The following CHRM3 variants were observed in gnomAD, a reference collection of about 807,000 sequenced individuals.
CHRM3 encodes cholinergic receptor muscarinic 3, also known as muscarinic acetylcholine receptor M3.
Under a neutral mutation model 41.8 loss-of-function variants are expected in CHRM3, and 11 were observed. The ratio of observed to expected loss-of-function variants is 0.26; its 90% CI spans 0.17 to 0.44. The LOEUF (loss-of-function observed/expected upper bound fraction) is 0.44, where lower values mean the gene tolerates loss of function less well. Among genes scored for constraint, CHRM3 ranks in the 20% least tolerant of loss-of-function variants. The probability of loss-of-function intolerance (pLI) is 1.00; values close to 1 mark genes in which losing one functional copy is unlikely to be tolerated. For synonymous variants in CHRM3, 297 were observed against 301.4 expected, an observed-to-expected ratio of 0.99 and a Z score of 0.15; for missense variants, 571 against 745.4, an observed-to-expected ratio of 0.77 and a Z score of 2.72.
chr1:239,847,814 C>T (rs1348171021), intron 6 of CHRM3, among the ~76,000 whole-genome samples: 1 of 152,046 alleles, frequency 6.6e-6, no homozygotes, highest in Non-Finnish European at 1.5e-5. Context: ...ACTCTAGAGG[C>T]TGAGGTGAGA....
chr1:239,453,756 C>A (rs1664730908), intron 1 of CHRM3, among the ~76,000 whole-genome samples: 1 of 152,058 alleles, frequency 6.6e-6, no homozygotes, highest in Admixed American at 6.6e-5. Context: ...AGCAGCAGAT[C>A]CCAAGGTGGA....
intron 1 of CHRM3, among the ~76,000 whole-genome samples, chr1:239,484,094 C>CTATAATTGTG (rs1355610381): frequency 1.2e-3 from 185 of 152,244 alleles, no homozygotes; most frequent in Non-Finnish European, 2.0e-3. Context: ...TGTATTCGTT[C>CTATAATTGTG]TTTCTTGTGT....
chr1:239,689,607 C>CT (rs1203112061), intron 5 of CHRM3, among the ~76,000 whole-genome samples: 1 of 152,178 alleles, frequency 6.6e-6, no homozygotes, highest in Admixed American at 6.5e-5. Flanking sequence ...CAACTTTGCA[C>CT]TACGTCTTCA....
At chr1:239,557,829 G>A (rs1558317357) in intron 3 of CHRM3, among the ~76,000 whole-genome samples, 1 of 152,044 alleles carries the variant, frequency 6.6e-6, no homozygotes, top group Non-Finnish European at 1.5e-5. Context: ...GTTTGTTAGG[G>A]CTGCATAGTA....
At chr1:239,795,647 C>T (rs1379093036) in intron 5 of CHRM3, among the ~76,000 whole-genome samples, 1 of 152,164 alleles carries the variant, frequency 6.6e-6, no homozygotes, top group Non-Finnish European at 1.5e-5. Context: ...TTTCCATCTT[C>T]CTATAAAGAA....
intron 2 of CHRM3, among the ~76,000 whole-genome samples, chr1:239,526,151 C>G (rs190907262): frequency 6.6e-6 from 1 of 152,108 alleles, no homozygotes; most frequent in African/African-American, 2.4e-5. Context: ...TGCCCTCAAA[C>G]AAACCCTTCC....
chr1:239,608,918 T>G (rs1666675747), intron 3 of CHRM3, among the ~76,000 whole-genome samples: 1 of 152,214 alleles, frequency 6.6e-6, no homozygotes, highest in Non-Finnish European at 1.5e-5. Flanking sequence ...ATTGCAGGTT[T>G]TTGAAAATAC....
intron 4 of CHRM3, among the ~76,000 whole-genome samples, chr1:239,650,935 T>C (rs1036618285): frequency 3.3e-5 from 5 of 152,170 alleles, no homozygotes; most frequent in Non-Finnish European, 5.9e-5. Context: ...ATGCATAAAA[T>C]ATGTGCACAT....
At chr1:239,672,072 G>A (rs1260360160) in intron 4 of CHRM3, among the ~76,000 whole-genome samples, 1 of 152,172 alleles carries the variant, frequency 6.6e-6, no homozygotes, top group Non-Finnish European at 1.5e-5. Flanking sequence ...TTATGCACAA[G>A]ACAGGGATCC....
intron 5 of CHRM3, among the ~76,000 whole-genome samples, chr1:239,813,723 CTGGCTAA>C (rs1671309760): frequency 7.7e-6 from 1 of 129,434 alleles, no homozygotes; most frequent in Non-Finnish European, 1.6e-5. Context: ...CGAGACCATC[CTGGCTAA>C]CACGGTGAAA....
At chr1:239,697,231 T>C (rs952727421) in intron 5 of CHRM3, among the ~76,000 whole-genome samples, 5 of 152,186 alleles carry the variant, frequency 3.3e-5, no homozygotes, top group Non-Finnish European at 5.9e-5. Flanking sequence ...GGGGCAGGTC[T>C]TTCCCATGCT....
chr1:239,721,486 T>C (rs137961888), intron 5 of CHRM3, among the ~76,000 whole-genome samples: 1 of 152,028 alleles, frequency 6.6e-6, no homozygotes, highest in Admixed American at 6.6e-5. Context: ...TAATAAGAAG[T>C]ATGTATCTCA....
At chr1:239,864,852 G>C (rs2149289302) in intron 6 of CHRM3, among the ~76,000 whole-genome samples, 1 of 152,280 alleles carries the variant, frequency 6.6e-6, no homozygotes, top group African/African-American at 2.4e-5. Context: ...AAGACTAACA[G>C]GCATGGTGAC....
chr1:239,843,447 C>CTTTTT (rs34901177), intron 6 of CHRM3, among the ~76,000 whole-genome samples: 7 of 81,216 alleles, frequency 8.6e-5, no homozygotes, highest in Non-Finnish European at 1.4e-4. Flanking sequence ...ACTCGCTTTC[C>CTTTTT]TTTTTTTTTT....
chr1:239,534,284 C>T (rs1187001001), intron 2 of CHRM3, among the ~76,000 whole-genome samples: 2 of 152,200 alleles, frequency 1.3e-5, no homozygotes, highest in Non-Finnish European at 2.9e-5. Flanking sequence ...TGAGATCATG[C>T]CACTGCACTT....
intron 4 of CHRM3, among the ~76,000 whole-genome samples, chr1:239,653,773 C>G (rs1490335388): frequency 6.6e-6 from 1 of 152,106 alleles, no homozygotes. Flanking sequence ...GGTCATGTGT[C>G]CGCAGGGCTT....
At chr1:239,637,134 C>A (rs6655993) in intron 4 of CHRM3, among the ~76,000 whole-genome samples, 97,923 of 151,936 alleles carry the variant, frequency 0.64, 31,911 homozygotes, top group East Asian at 0.84. Context: ...TTTATATATA[C>A]ATTTATATTA....
At chr1:239,492,215 C>T (rs1394530944) in intron 1 of CHRM3, among the ~76,000 whole-genome samples, 2 of 152,170 alleles carry the variant, frequency 1.3e-5, no homozygotes, top group Non-Finnish European at 2.9e-5. Context: ...CAGATACCTA[C>T]CTACCTACCT....
At chr1:239,534,131 C>T (rs953588851) in intron 2 of CHRM3, among the ~76,000 whole-genome samples, 1 of 152,152 alleles carries the variant, frequency 6.6e-6, no homozygotes. Context: ...AGTTCGAGAC[C>T]AGCCTGGCCA....
Sources: gnomAD v4.1 joint callset for allele counts (sites outside exome capture counted in the v4.1 genomes callset) on GRCh38, gnomAD v4.1.1 for gene constraint, MANE v1.5 for transcripts, NCBI Gene and HGNC (gene_info 2026-07-23, HGNC 2026-07-21) for gene names.